The following RIOK3 variants were observed in gnomAD, a reference collection of about 807,000 sequenced individuals.
The protein encoded by RIOK3 is serine/threonine-protein kinase RIO3.
In RIOK3, 40 loss-of-function variants were observed where a neutral mutation model predicts 63.5. The ratio of observed to expected loss-of-function variants is 0.63; its 90% CI spans 0.49 to 0.82. The LOEUF is 0.82. Ranked by LOEUF, RIOK3 falls within the 40% of genes least tolerant of loss-of-function variation. The pLI, the probability that RIOK3 is intolerant of heterozygous loss-of-function variation, is 0.00. For synonymous variants in RIOK3, 193 were observed against 205.0 expected (o/e 0.94, Z 0.50); for missense variants, 557 against 637.0 (o/e 0.87, Z 1.35).
At chr18:23,463,462 T>G (rs1194389668) in intron 2 of RIOK3, 1 of 157,142 alleles carries the variant, frequency 6.4e-6, no homozygotes, top group Non-Finnish European at 1.3e-5. Context: ...CAGGCTAGAG[T>G]GCAATGGCAC....
Position 23,464,052 on chromosome 18 carries a change from G to C in RIOK3, c.265G>C (p.Asp89His). The C allele has an allele frequency of 6.2e-7, 1 of 1,613,600 alleles. No homozygotes were observed. Among genetic ancestry groups the C allele is most frequent in the Non-Finnish European group, 8.5e-7 (1 of 1,179,776 alleles). ...MLAQMLQMEY[D>H]REYDAQLRRE... Reference sequence around the variant, plus strand: ...GGCTCAGATGCTACAGATGGAATATGACAGAGAATATGATGCACAGCTTAG... The same window carrying C: ...GGCTCAGATGCTACAGATGGAATATCACAGAGAATATGATGCACAGCTTAG... The change falls in exon 3 of 13, where the codon GAC becomes CAC. Residue 89 changes from aspartate to histidine, a missense_variant. Asp to His is a moderately conservative substitution (Grantham distance 81). This residue lies in a region of RIOK3 where 243 missense variants were observed against 275.4 expected (regional missense o/e 0.88). Transcript: ENST00000339486.
chr18:23,464,041 A>G lies in RIOK3; in HGVS notation c.254A>G (p.Gln85Arg). ...GACCTTATGCTGGCTCAGATGCTACAGATGGAATATGACAGAGAATATGAT... is the reference window on the plus strand; with the variant it reads ...GACCTTATGCTGGCTCAGATGCTACGGATGGAATATGACAGAGAATATGAT... ...SSDLMLAQMLQMEYDREYDAQ... is the reference protein window; with the variant it reads ...SSDLMLAQMLRMEYDREYDAQ... Residue 85 changes from glutamine to arginine, a missense_variant, in exon 3 of 13, where the codon CAG becomes CGG. By Grantham distance (43) the Gln-to-Arg change is conservative. Around this residue, in one of 3 missense-constraint regions of RIOK3, gnomAD observed 243 missense variants for 275.4 expected, o/e 0.88. Coordinates refer to ENST00000339486, the MANE Select transcript of RIOK3 (RefSeq NM_003831.5). 1.2e-6 allele frequency: 2 copies of G among 1,613,600 alleles called. No homozygotes were observed. Among genetic ancestry groups the G allele is most frequent in the Non-Finnish European group, 1.7e-6 (2 of 1,179,644 alleles).
intron 6 of RIOK3, 92 bp from the exon 7 acceptor site, chr18:23,467,307 T>G (rs2057415933): frequency 8.4e-7 from 1 of 1,188,260 alleles, no homozygotes. Context: ...AGAGCAAGAC[T>G]CCGTCTCAAA....
chr18:23,469,541 G>A lies in RIOK3; in HGVS notation c.815+2015G>A, dbSNP rs551736521. 2.0e-5 allele frequency among the ~76,000 whole-genome samples: 3 copies of A among 147,142 alleles called. No homozygotes were observed. The East Asian group carries it at 6.0e-4, about 29-fold the overall frequency. ...CTTGCTCTGTCACCCAGGCTGGAGT[G>A]CAATGGCGCAATCTTGGCTCACTGC... On this transcript the variant is annotated intron_variant, in intron 7 of 12. Coordinates refer to ENST00000339486, the MANE Select transcript of RIOK3 (RefSeq NM_003831.5).
At chr18:23,457,215 G>A (rs1340497887) in intron 1 of RIOK3, among the ~76,000 whole-genome samples, 1 of 152,124 alleles carries the variant, frequency 6.6e-6, no homozygotes, top group African/African-American at 2.4e-5. Context: ...TACTATTATG[G>A]ACAAAGAATT....
chr18:23,480,555 GCACACACACACACA>G (rs59552026), intron 12 of RIOK3, among the ~76,000 whole-genome samples: 36 of 142,096 alleles, frequency 2.5e-4, no homozygotes, highest in Admixed American at 8.4e-4. Flanking sequence ...TTGGATGCAC[GCACACACACACACA>G]CACACACACA....
In RIOK3 at chr18:23,473,431, T is replaced by C. The variant is rs764328780; in HGVS notation, c.818T>C (p.Met273Thr). The C allele has an allele frequency of 4.3e-5, 69 of 1,601,114 alleles. No homozygotes were observed. Among genetic ancestry groups the C allele is most frequent in the Non-Finnish European group, 5.9e-5 (69 of 1,172,464 alleles). ...SVVFHAYGGS[M>T]EDEKEDSKVI... ...TTGATTTTTTTTCTTCCACTTAGCA[T>C]GGAGGATGAAAAGGAAGATAGTAAA... The change falls in exon 8 of 13, where the codon ATG becomes ACG. Residue 273 changes from methionine (M) to threonine (T), a missense_variant and splice_region_variant. Coordinates refer to ENST00000339486, the MANE Select transcript of RIOK3 (RefSeq NM_003831.5).
In RIOK3 at chr18:23,457,805, G is replaced by A. The variant is rs371956464; in HGVS notation, c.63+4303G>A. ...TGTCTTCTAGCTGTATGGTTAGAAA[G>A]GGGACCTTCCTGTAGGTTATGTTTC... is the stretch of plus-strand genomic sequence containing the variant. On this transcript the variant is annotated intron_variant, in intron 1 of 12. Transcript: ENST00000339486. 5.1e-4 allele frequency among the ~76,000 whole-genome samples: 77 copies of A among 152,266 alleles called. No homozygotes were observed. The East Asian group carries it at 5.2e-3, about 10-fold the overall frequency.
At chr18:23,473,394 A>C (rs2057468501) in intron 7 of RIOK3, 35 bp from the exon 8 acceptor site, 2 of 1,368,346 alleles carry the variant, frequency 1.5e-6, no homozygotes, top group Non-Finnish European at 2.0e-6. Context: ...TGAGCTGGCA[A>C]CTTGTACTGA....
At position 23,473,530 on chromosome 18, in the gene RIOK3, T is replaced by A; in HGVS notation, c.917T>A (p.Ile306Asn). 6.2e-7 allele frequency: 1 copy of A among 1,613,114 alleles called. No individual in the cohort carries two copies. Among genetic ancestry groups the A allele is most frequent in the East Asian group, 2.2e-5 (1 of 44,806 alleles). Residue 306 changes from isoleucine to asparagine, a missense_variant, in exon 8 of 13, where the codon ATT becomes AAT. Transcript: ENST00000339486. ...GAATTTAAGAATCGTGACAAATATA[T>A]TAAAGATGATTTCAGGTTTAAAGAT... Reference protein sequence around the residue: ...LNEFKNRDKYIKDDFRFKDRF... With the variant: ...LNEFKNRDKYNKDDFRFKDRF...
chr18:23,479,337 C>A lies in RIOK3; in HGVS notation c.1365C>A (p.Val455=). The change falls in exon 12 of 13, where the codon GTC becomes GTA. Residue 455 remains valine (V), a synonymous_variant. Coordinates refer to ENST00000339486, the MANE Select transcript of RIOK3 (RefSeq NM_003831.5). Reference sequence around the variant, plus strand: ...ACTAGTTTTTCCAGAAAGGAGGAGTCAAGGAAGCCCTTAGTGAACGAGAAC... The same window carrying A: ...ACTAGTTTTTCCAGAAAGGAGGAGTAAAGGAAGCCCTTAGTGAACGAGAAC... ...NVSQFFQKGG[V]KEALSERELF... is the part of the protein sequence containing the mutation. 1 of 1,611,922 alleles carries A rather than the reference C, an allele frequency of 6.2e-7. No homozygotes were observed. Among genetic ancestry groups the A allele is most frequent in the South Asian group, 1.1e-5 (1 of 91,026 alleles).
intron 8 of RIOK3, 73 bp from the exon 9 acceptor site, chr18:23,474,875 G>A: frequency 8.6e-7 from 1 of 1,159,648 alleles, no homozygotes; most frequent in East Asian, 2.4e-5. Context: ...GCCCTGATTA[G>A]ATATTTATTG....
intron 6 of RIOK3, among the ~76,000 whole-genome samples, chr18:23,466,689 T>TAAA (rs33997769): frequency 4.9e-5 from 5 of 102,910 alleles, no homozygotes; most frequent in Non-Finnish European, 9.6e-5. Flanking sequence ...GACCCTGCCT[T>TAAA]AAAAAAAAAA....
chr18:23,467,084 G>T (rs1436247444), intron 6 of RIOK3, among the ~76,000 whole-genome samples: 1 of 152,014 alleles, frequency 6.6e-6, no homozygotes, highest in African/African-American at 2.4e-5. Context: ...GGGAGGCCAA[G>T]GCGGGCGGAT....
chr18:23,463,231 T>C lies in RIOK3; in HGVS notation c.179+152T>C, dbSNP rs114614448. The C allele has an allele frequency of 5.5e-3, 2,936 of 531,536 alleles. 74 individuals carry two copies. The highest frequency in any genetic ancestry group is 0.052 in the African/African-American group (2,681 of 51,316). 32.9% of individuals were successfully genotyped at this position (531,536 alleles called of 1,614,324 possible). On this transcript the variant is annotated intron_variant, in intron 2 of 12. Transcript: ENST00000339486. ...TGATACTTGAATTTTGGTCCTGATT[T>C]TGCATTGGTTTTCATTATTATCTTG...
At chr18:23,477,296 T>A (rs370605156) in intron 11 of RIOK3, 28 bp downstream of exon 11, 9 of 1,545,280 alleles carry the variant, frequency 5.8e-6, no homozygotes, top group Admixed American at 3.3e-5. Context: ...TATGCCTTTT[T>A]TTGTTGGATG....
chr18:23,453,340 T>C lies in RIOK3; in HGVS notation c.-100T>C. ...GCCATCTGTCACCTCCACTCCGGCA[T>C]CAGCAGCCAGTCGCCCGTGTCCCGC... On this transcript the variant is annotated 5_prime_UTR_variant, in exon 1 of 13. Transcript: ENST00000339486. 1 of 988,342 alleles carries C rather than the reference T, an allele frequency of 1.0e-6. No homozygotes were observed. Among genetic ancestry groups the C allele is most frequent in the Non-Finnish European group, 1.6e-6 (1 of 621,944 alleles). 61.2% of individuals were successfully genotyped at this position (988,342 alleles called of 1,614,324 possible).
chr18:23,453,637 C>G, intron 1 of RIOK3, 135 bp downstream of exon 1: 1 of 765,420 alleles, frequency 1.3e-6, no homozygotes, highest in Non-Finnish European at 2.3e-6. Flanking sequence ...CAAGGGGGCA[C>G]TGGCCGCGGG....
In RIOK3 at chr18:23,477,236, T is replaced by G. The variant is rs1393531961; in HGVS notation, c.1312T>G (p.Phe438Val). Residue 438 changes from phenylalanine (F) to valine (V), a missense_variant, in exon 11 of 13, where the codon TTC becomes GTC. Around this residue, in one of 3 missense-constraint regions of RIOK3, gnomAD observed 309 missense variants for 338.7 expected, o/e 0.91. Coordinates refer to ENST00000339486, the MANE Select transcript of RIOK3 (RefSeq NM_003831.5). ...VEPTHPHGLE[F>V]LFRDCRNVSQ... ...ACCTACCCACCCTCACGGCCTGGAG[T>G]TCTTGTTCCGGGACTGCAGGAATGT... 1.2e-6 allele frequency: 2 copies of G among 1,614,032 alleles called. No homozygotes were observed. Among genetic ancestry groups the G allele is most frequent in the East Asian group, 4.5e-5 (2 of 44,880 alleles).
Sources: allele counts gnomAD v4.1 joint callset (sites outside exome capture counted in the v4.1 genomes callset), GRCh38; gene constraint gnomAD v4.1.1; regional missense constraint gnomAD v4.1.1; transcripts MANE v1.5; gene names NCBI Gene and HGNC (gene_info 2026-07-23, HGNC 2026-07-21).